Variants in ACAA2 observed in about 807,000 individuals in gnomAD.
The protein encoded by ACAA2 is 3-ketoacyl-CoA thiolase, mitochondrial.
A neutral mutation model predicts 44.8 loss-of-function variants in ACAA2; 35 were observed. That is an observed-to-expected ratio of 0.78 (90% CI 0.60 to 1.04). The LOEUF is 1.04. Among genes scored for constraint, ACAA2 ranks in the 50% least tolerant of loss-of-function variants. ACAA2 has a pLI of 0.00. For missense variants in ACAA2, 468 were observed against 482.6 expected (o/e 0.97, Z 0.28); for synonymous variants, 142 against 166.5 (o/e 0.85, Z 1.13).
At chr18:49,791,100 T>A (rs2023393067) in intron 7 of ACAA2, among the ~76,000 whole-genome samples, 1 of 152,250 alleles carries the variant, frequency 6.6e-6, no homozygotes, top group African/African-American at 2.4e-5. Flanking sequence ...CAGCCTTCTC[T>A]GTTTCACCCC....
At position 49,797,536 on chromosome 18, in the gene ACAA2, T is replaced by C. The variant is rs1457820111; in HGVS notation, c.242A>G (p.Lys81Arg). The C allele has an allele frequency of 6.2e-7, 1 of 1,612,182 alleles. No homozygotes were observed. Among genetic ancestry groups the C allele is most frequent in the Admixed American group, 1.7e-5 (1 of 59,976 alleles). ...RHVGLRVGIP[K>R]ETPALTINRL... ...ATTAATCGTGAGAGCTGGGGTCTCCTTTGGGATTCCCACACGCAAACCAAC... is the reference window on the plus strand; with the variant it reads ...ATTAATCGTGAGAGCTGGGGTCTCCCTTGGGATTCCCACACGCAAACCAAC... Residue 81 changes from lysine (K) to arginine (R), a missense_variant, in exon 3 of 10, where the codon AAG becomes AGG. Lys to Arg is a conservative substitution (Grantham distance 26). Coordinates refer to ENST00000285093, the MANE Select transcript of ACAA2 (RefSeq NM_006111.3).
At chr18:49,792,610 A>G (rs2023417019) in intron 5 of ACAA2, among the ~76,000 whole-genome samples, 2 of 151,984 alleles carry the variant, frequency 1.3e-5, no homozygotes, top group Admixed American at 1.3e-4. Flanking sequence ...ATGCCCGGCT[A>G]ATTTTTTTTA....
chr18:49,791,330 G>A (rs916290261), intron 7 of ACAA2, 140 bp downstream of exon 7: 1 of 732,300 alleles, frequency 1.4e-6, no homozygotes. Flanking sequence ...TCTTCATAAA[G>A]ATTTTTTATT....
chr18:49,787,492 T>A, intron 7 of ACAA2, 131 bp from the exon 8 acceptor site: 1 of 630,700 alleles, frequency 1.6e-6, no homozygotes, highest in Non-Finnish European at 2.5e-6. Flanking sequence ...CAAATCTTAC[T>A]ACCTTGACCG....
intron 2 of ACAA2, among the ~76,000 whole-genome samples, chr18:49,798,717 TA>T (rs1199881323): frequency 6.6e-6 from 1 of 152,206 alleles, no homozygotes; most frequent in African/African-American, 2.4e-5. Flanking sequence ...AGGAACTCAG[TA>T]TAACATCAAT....
At position 49,802,700 on chromosome 18, in the gene ACAA2, C is replaced by A. The variant is rs146535277; in HGVS notation, c.170G>T (p.Gly57Val). 3.3e-4 allele frequency: 532 copies of A among 1,613,838 alleles called. No individual in the cohort carries two copies. Among genetic ancestry groups the A allele is most frequent in the Non-Finnish European group, 4.2e-4 (494 of 1,179,902 alleles). ...TACTCTACTAACCTGCAGGACATTG[C>A]CCATAATCACACTGTCAACTGTTTC... The part of the protein sequence containing the change: ...SPETVDSVIM[G>V]NVLQSSSDAI... The change falls in exon 2 of 10, where the codon GGC (glycine) becomes GTC (valine). Residue 57 changes from glycine to valine, a missense_variant. By Grantham distance (109) the Gly-to-Val change is moderately radical (BLOSUM62 -3). Coordinates refer to ENST00000285093, the MANE Select transcript of ACAA2 (RefSeq NM_006111.3).
intron 4 of ACAA2, among the ~76,000 whole-genome samples, chr18:49,795,445 T>A (rs1252734746): frequency 6.6e-6 from 1 of 152,180 alleles, no homozygotes; most frequent in Admixed American, 6.5e-5. Flanking sequence ...ATTAATTCAC[T>A]CTTTTGTCTA....
intron 1 of ACAA2, among the ~76,000 whole-genome samples, chr18:49,807,108 T>C (rs1469634827): frequency 1.3e-5 from 2 of 152,196 alleles, no homozygotes; most frequent in Non-Finnish European, 2.9e-5. Context: ...TCAACTTTGA[T>C]AGTGGGCTGG....
chr18:49,795,338 G>A (rs540262135), intron 4 of ACAA2, among the ~76,000 whole-genome samples: 2 of 152,246 alleles, frequency 1.3e-5, no homozygotes, highest in African/African-American at 2.4e-5. Flanking sequence ...TTTCTGTGAT[G>A]ATGAAGAAAT....
chr18:49,798,644 T>C (rs2023492683), intron 2 of ACAA2, among the ~76,000 whole-genome samples: 1 of 152,180 alleles, frequency 6.6e-6, no homozygotes, highest in Non-Finnish European at 1.5e-5. Flanking sequence ...TTTCAAGTTT[T>C]TCAAAACTTG....
chr18:49,787,367 TA>T lies in ACAA2; in HGVS notation c.884-7del. The T allele has an allele frequency of 1.4e-6, 2 of 1,406,440 alleles. No individual in the cohort carries two copies. Among genetic ancestry groups the T allele is most frequent in the Non-Finnish European group, 9.3e-7 (1 of 1,076,570 alleles). The allele number at this position is 1,406,440 out of a possible 1,614,324, so 87.1% of individuals were successfully genotyped here. A position where few individuals can be genotyped will look rare whatever the true frequency, so the allele number is the denominator to read the frequency against. Reference sequence around the variant, plus strand: ...ACTGATAGCAGGGACAGGACCTATATAATAATAAAAATCTTCTATAAAAATA... The same window carrying T: ...ACTGATAGCAGGGACAGGACCTATATATAATAAAAATCTTCTATAAAAATA... On this transcript the variant is annotated splice_polypyrimidine_tract_variant and splice_region_variant and intron_variant, in intron 7 of 9. Transcript: ENST00000285093.
chr18:49,806,212 T>C (rs1568590864), intron 1 of ACAA2, among the ~76,000 whole-genome samples: 1 of 152,196 alleles, frequency 6.6e-6, no homozygotes, highest in African/African-American at 2.4e-5. Flanking sequence ...GAAACAGTCT[T>C]ACTGGCTTGA....
intron 7 of ACAA2, among the ~76,000 whole-genome samples, chr18:49,790,958 T>G (rs984807838): frequency 4.6e-5 from 7 of 152,340 alleles, no homozygotes; most frequent in African/African-American, 1.4e-4. Context: ...CTTACTGATT[T>G]GGAACCTTGT....
At position 49,795,717 on chromosome 18, in the gene ACAA2, A is replaced by C. The variant is rs1163822048; in HGVS notation, c.429+48T>G. 4 of 1,192,800 alleles carry C rather than the reference A, an allele frequency of 3.4e-6. No homozygotes were observed. In the African/African-American group the frequency reaches 4.7e-5, roughly 14 times the overall value. The allele number at this position is 1,192,800 out of a possible 1,614,324, so 73.9% of individuals were successfully genotyped here. On this transcript the variant is annotated intron_variant, in intron 4 of 9. Transcript: ENST00000285093. ...AAAAGGTATGTTATTAAAAGTACTT[A>C]TATAATGCTAATAAGAACTAATTCT...
At chr18:49,798,936 A>G (rs1171231829) in intron 2 of ACAA2, among the ~76,000 whole-genome samples, 2 of 152,178 alleles carry the variant, frequency 1.3e-5, no homozygotes, top group Non-Finnish European at 2.9e-5. Context: ...CTTTATGGTT[A>G]AGAGAGAACA....
chr18:49,804,604 C>T (rs2023592098), intron 1 of ACAA2, among the ~76,000 whole-genome samples: 3 of 152,112 alleles, frequency 2.0e-5, no homozygotes, highest in Non-Finnish European at 4.4e-5. Flanking sequence ...TTGCCAACAT[C>T]CTATTAAAAT....
At chr18:49,811,144 G>A (rs2143985736) in intron 1 of ACAA2, among the ~76,000 whole-genome samples, 1 of 151,874 alleles carries the variant, frequency 6.6e-6, no homozygotes, top group Middle Eastern at 3.4e-3. Flanking sequence ...CTGAAAGACA[G>A]TGAAGAGACC....
chr18:49,787,265 A>AC lies in ACAA2; in HGVS notation c.954+25_954+26insG, dbSNP rs1555789746. 1.1e-5 allele frequency: 16 copies of AC among 1,394,482 alleles called. No homozygotes were observed. The South Asian group carries it at 1.8e-4, about 16-fold the overall frequency. The allele number at this position is 1,394,482 out of a possible 1,614,324, so 86.4% of individuals were successfully genotyped here. A position where few individuals can be genotyped will look rare whatever the true frequency, so the allele number is the denominator to read the frequency against. On this transcript the variant is annotated intron_variant, in intron 8 of 9. Transcript: ENST00000285093. ...ACATGGTTTATTCATGTTGTTAAAA[A>AC]AAAAAAAAAAAAAAAAAACACTTAC...
At chr18:49,795,297 T>G (rs1290341904) in intron 4 of ACAA2, among the ~76,000 whole-genome samples, 1 of 152,214 alleles carries the variant, frequency 6.6e-6, no homozygotes, top group African/African-American at 2.4e-5. Context: ...TTTGTTTGAT[T>G]TGGGACAATA....
Sources: gnomAD v4.1 joint callset for allele counts (sites outside exome capture counted in the v4.1 genomes callset) on GRCh38, gnomAD v4.1.1 for gene constraint, MANE v1.5 for transcripts, NCBI Gene and HGNC (gene_info 2026-07-23, HGNC 2026-07-21) for gene names.